COA5: variants seen among roughly 807,000 people sequenced by gnomAD.
COA5 encodes protein C2orf64.
In COA5, 11 loss-of-function variants were observed where a neutral mutation model predicts 11.8. That is an observed-to-expected ratio of 0.93 (90% CI 0.59 to 1.54). The LOEUF (loss-of-function observed/expected upper bound fraction) is 1.54, where lower values mean the gene tolerates loss of function less well. COA5 is among the 40% of genes most tolerant of loss of function. The probability of loss-of-function intolerance (pLI) is 0.00; values close to 1 mark genes in which losing one functional copy is unlikely to be tolerated. For missense variants in COA5, 87 were observed against 89.2 expected, an observed-to-expected ratio of 0.97 and a Z score of 0.10; for synonymous variants, 38 against 37.5, an observed-to-expected ratio of 1.01 and a Z score of -0.05.
intron 2 of COA5, among the ~76,000 whole-genome samples, chr2:98,603,174 T>A (rs996971098): frequency 2.6e-5 from 4 of 152,162 alleles, no homozygotes; most frequent in Non-Finnish European, 5.9e-5. Context: ...GTGTAGTTCC[T>A]AAGCAAACAA....
chr2:98,606,298 G>A (rs957646346), intron 1 of COA5, among the ~76,000 whole-genome samples: 1 of 152,190 alleles, frequency 6.6e-6, no homozygotes, highest in Non-Finnish European at 1.5e-5. Context: ...ACAGATTGTA[G>A]GAGATTGTTC....
intron 1 of COA5, among the ~76,000 whole-genome samples, chr2:98,606,177 C>A (rs1285085048): frequency 3.3e-5 from 5 of 152,148 alleles, no homozygotes; most frequent in Non-Finnish European, 1.5e-5. Flanking sequence ...CTTAAGAAAT[C>A]AAAAATTTCC....
rs1271751713 is a variant in COA5 at position 98,599,518 on chromosome 2, T to A, written c.*1234A>T. 4 of 152,168 alleles carry A rather than the reference T, an allele frequency of 2.6e-5. No individual in the cohort carries two copies. The highest frequency in any genetic ancestry group is 7.2e-5 in the African/African-American group (3 of 41,458). 9.4% of individuals were successfully genotyped at this position (152,168 alleles called of 1,614,324 possible). A position where few individuals can be genotyped will look rare whatever the true frequency, so the allele number is the denominator to read the frequency against. ...TGAAAAGGAGTATACACAACAGACCTTTGTGATATTCTGCAACAATGACCC... is the reference window on the plus strand; with the variant it reads ...TGAAAAGGAGTATACACAACAGACCATTGTGATATTCTGCAACAATGACCC... On this transcript the variant is annotated 3_prime_UTR_variant, in exon 3 of 3. Coordinates refer to ENST00000328709, the MANE Select transcript of COA5 (RefSeq NM_001008215.3).
In COA5 at chr2:98,599,475, T is replaced by C. The variant is rs1447847516; in HGVS notation, c.*1277A>G. On this transcript the variant is annotated 3_prime_UTR_variant, in exon 3 of 3. Transcript: ENST00000328709. ...TATATATATACATTGAAAAAAACTA[T>C]TATTGTCCCTTTCCTGGTGAAAAGG... 6.6e-5 allele frequency: 10 copies of C among 152,182 alleles called. No homozygotes were observed. Among genetic ancestry groups the C allele is most frequent in the Non-Finnish European group, 5.9e-5 (4 of 68,034 alleles). 9.4% of individuals were successfully genotyped at this position (152,182 alleles called of 1,614,324 possible). A position where few individuals can be genotyped will look rare whatever the true frequency, so the allele number is the denominator to read the frequency against.
At chr2:98,602,967 C>G (rs1233265049) in intron 2 of COA5, among the ~76,000 whole-genome samples, 1 of 152,168 alleles carries the variant, frequency 6.6e-6, no homozygotes, top group South Asian at 2.1e-4. Context: ...AAATCCTCCT[C>G]TATTCACACT....
chr2:98,608,286 GGGAGCGCC>G lies in COA5; in HGVS notation c.99+13_99+20del. 6.4e-7 allele frequency: 1 copy of G among 1,563,596 alleles called. No homozygotes were observed. Among genetic ancestry groups the G allele is most frequent in the Non-Finnish European group, 8.7e-7 (1 of 1,152,394 alleles). ...GCCTGGGACAGGGGTCGTCACCACC[GGGAGCGCC>G]CGGCCGCGCTACCTGGACCACACAG... is the stretch of plus-strand genomic sequence containing the variant. On this transcript the variant is annotated intron_variant, in intron 1 of 2. Coordinates refer to ENST00000328709, the MANE Select transcript of COA5 (RefSeq NM_001008215.3).
chr2:98,602,065 T>C (rs1700649053), intron 2 of COA5, among the ~76,000 whole-genome samples: 1 of 152,166 alleles, frequency 6.6e-6, no homozygotes, highest in Admixed American at 6.5e-5. Flanking sequence ...AGCCATTTAT[T>C]CACTGAGCAC....
Position 98,599,441 on chromosome 2 carries a change from G to T in COA5, c.*1311C>A, listed in dbSNP as rs141989860. ...GTTTACTTTTATTAATAAAAAGTTA[G>T]ATCACTTATATATATATACATTGAA... On this transcript the variant is annotated 3_prime_UTR_variant, in exon 3 of 3. Transcript: ENST00000328709. The T allele has an allele frequency of 6.6e-6, 1 of 152,130 alleles. No homozygotes were observed. Among genetic ancestry groups the T allele is most frequent in the African/African-American group, 2.4e-5 (1 of 41,520 alleles). The allele number at this position is 152,130 out of a possible 1,614,324, so 9.4% of individuals were successfully genotyped here. A position where few individuals can be genotyped will look rare whatever the true frequency, so the allele number is the denominator to read the frequency against.
At chr2:98,600,829 C>A (rs1279921099) in intron 2 of COA5, 36 bp from the exon 3 acceptor site, 1 of 1,388,872 alleles carries the variant, frequency 7.2e-7, no homozygotes, top group Middle Eastern at 1.8e-4. Flanking sequence ...AAATTTGGTA[C>A]AATGTAATTA....
chr2:98,603,488 A>ATGCT, intron 2 of COA5, among the ~76,000 whole-genome samples: 1 of 152,090 alleles, frequency 6.6e-6, no homozygotes, highest in Non-Finnish European at 1.5e-5. Context: ...TCAAACAAAA[A>ATGCT]ACAAAAAACA....
intron 1 of COA5, among the ~76,000 whole-genome samples, chr2:98,605,336 T>C (rs938811962): frequency 6.6e-6 from 1 of 152,186 alleles, no homozygotes; most frequent in Admixed American, 6.5e-5. Context: ...GCTTGCCCCT[T>C]TCCTCACTTC....
intron 2 of COA5, among the ~76,000 whole-genome samples, chr2:98,602,047 G>A (rs969837125): frequency 6.6e-6 from 1 of 152,122 alleles, no homozygotes; most frequent in South Asian, 2.1e-4. Flanking sequence ...AACAAAGTGT[G>A]GACAGACAGC....
chr2:98,603,551 T>A (rs994205935), intron 2 of COA5, among the ~76,000 whole-genome samples: 1 of 152,168 alleles, frequency 6.6e-6, no homozygotes, highest in Admixed American at 6.5e-5. Context: ...GGGATGCTCA[T>A]ATTTTTGGTT....
At chr2:98,603,858 T>C in intron 2 of COA5, among the ~76,000 whole-genome samples, 1 of 152,242 alleles carries the variant, frequency 6.6e-6, no homozygotes, top group Non-Finnish European at 1.5e-5. Context: ...CGAGACTTCA[T>C]TCTCACACTT....
intron 1 of COA5, among the ~76,000 whole-genome samples, chr2:98,606,268 G>A (rs1489681153): frequency 1.3e-5 from 2 of 152,216 alleles, no homozygotes; most frequent in Non-Finnish European, 2.9e-5. Context: ...CCAGTGAGGA[G>A]CAGTGGGCAG....
At chr2:98,604,421 G>A (rs919738779) in intron 1 of COA5, 19 of 510,276 alleles carry the variant, frequency 3.7e-5, no homozygotes, top group Non-Finnish European at 5.9e-5. Context: ...TGAAAACACT[G>A]GTTTCTATTG....
chr2:98,604,113 A>T lies in COA5; in HGVS notation c.178T>A (p.Ser60Thr). 6.2e-7 allele frequency: 1 copy of T among 1,612,846 alleles called. No individual in the cohort carries two copies. The highest frequency in any genetic ancestry group is 2.2e-5 in the East Asian group (1 of 44,832). Residue 60 changes from serine to threonine, a missense_variant, in exon 2 of 3, where the codon TCA becomes ACA. Physicochemically the swap from Ser to Thr is moderately conservative, Grantham distance 58. Transcript: ENST00000328709. ...AAAAATCTTTAACCACTTACCACTG[A>T]TCTTTTACACTCAAAAAATGCGTAC... ...LKYAFFECKRSVLDNRARFRG... is the reference protein window; with the variant it reads ...LKYAFFECKRTVLDNRARFRG...
In COA5 at chr2:98,604,111, T is replaced by G. The variant is rs757939390; in HGVS notation, c.180A>C (p.Ser60=). The change falls in exon 2 of 3, where the codon TCA becomes TCC. Residue 60 remains serine, a synonymous_variant. Coordinates refer to ENST00000328709, the MANE Select transcript of COA5 (RefSeq NM_001008215.3). ...TTAAAAATCTTTAACCACTTACCAC[T>G]GATCTTTTACACTCAAAAAATGCGT... ...LKYAFFECKR[S]VLDNRARFRG... is the part of the protein sequence containing the mutation. 2 of 1,612,218 alleles carry G rather than the reference T, an allele frequency of 1.2e-6. No individual in the cohort carries two copies. The highest frequency in any genetic ancestry group is 1.7e-6 in the Non-Finnish European group (2 of 1,178,318).
chr2:98,601,219 TG>T (rs1700637436), intron 2 of COA5, among the ~76,000 whole-genome samples: 1 of 148,146 alleles, frequency 6.8e-6, no homozygotes, highest in Non-Finnish European at 1.5e-5. Flanking sequence ...CACTCCAGCC[TG>T]GGCAATAAAT....
Sources: allele counts gnomAD v4.1 joint callset (sites outside exome capture counted in the v4.1 genomes callset), GRCh38; gene constraint gnomAD v4.1.1; transcripts MANE v1.5; gene names NCBI Gene and HGNC (gene_info 2026-07-23, HGNC 2026-07-21).